TET3: variants seen among roughly 807,000 people sequenced by gnomAD.
TET3 encodes methylcytosine dioxygenase TET3.
TET3 carries 19 observed loss-of-function variants against 141.4 expected under a neutral mutation model. The observed-to-expected ratio is 0.13, with a 90% CI of 0.09 to 0.20. TET3 has a LOEUF of 0.20. Among genes scored for constraint, TET3 ranks in the 10% least tolerant of loss-of-function variants. The pLI, the probability that TET3 is intolerant of heterozygous loss-of-function variation, is 1.00. For synonymous variants in TET3, 1,043 were observed against 980.9 expected, an observed-to-expected ratio of 1.06 and a Z score of -1.18; for missense variants, 1,874 against 2,356.9, an observed-to-expected ratio of 0.80 and a Z score of 4.24.
At chr2:74,085,067 A>AG (rs1690044753) in intron 6 of TET3, among the ~76,000 whole-genome samples, 1 of 152,200 alleles carries the variant, frequency 6.6e-6, no homozygotes, top group East Asian at 1.9e-4. Flanking sequence ...ATGGTTGCAC[A>AG]GCAATATGAA....
chr2:74,114,709 C>T, the TET3 span, among the ~76,000 whole-genome samples: 26 of 151,678 alleles, frequency 1.7e-4, no homozygotes, highest in African/African-American at 5.8e-4. Context: ...AAAAAATTGG[C>T]TGGGTGTGGT....
chr2:74,113,705 C>T, the TET3 span, among the ~76,000 whole-genome samples: 1 of 151,774 alleles, frequency 6.6e-6, no homozygotes, highest in African/African-American at 2.4e-5. Context: ...ACAGTAGCTA[C>T]CAAAAAATAA....
At chr2:74,112,640 T>A (rs1300809979), downstream of TET3, among the ~76,000 whole-genome samples, 1 of 152,170 alleles carries the variant, frequency 6.6e-6, no homozygotes, top group Non-Finnish European at 1.5e-5. Flanking sequence ...CAAAGACTAG[T>A]AATGAGTGCT....
intron 6 of TET3, among the ~76,000 whole-genome samples, chr2:74,081,979 C>T (rs1204630596): frequency 6.6e-6 from 1 of 152,198 alleles, no homozygotes; most frequent in African/African-American, 2.4e-5. Context: ...TGTGGCTTAT[C>T]ATGGTGGGGT....
chr2:74,009,759 G>T (rs903788309), intron 3 of TET3, among the ~76,000 whole-genome samples: 1 of 152,214 alleles, frequency 6.6e-6, no homozygotes, highest in South Asian at 2.1e-4. Context: ...TGAAGCATGG[G>T]CCCAGGGCTC....
intron 11 of TET3, 26 bp downstream of exon 11, chr2:74,099,638 G>A: frequency 1.3e-6 from 2 of 1,522,768 alleles, no homozygotes; most frequent in Non-Finnish European, 1.8e-6. Flanking sequence ...GTGCCCGCTT[G>A]GAGTCACAAT....
At chr2:73,995,524 C>T (rs1009881188) in intron 2 of TET3, among the ~76,000 whole-genome samples, 1 of 152,180 alleles carries the variant, frequency 6.6e-6, no homozygotes, top group Admixed American at 6.5e-5. Flanking sequence ...CGTGCCCTAC[C>T]TGAGCCCTCT....
At chr2:73,988,353 G>A (rs1286956326) in intron 2 of TET3, among the ~76,000 whole-genome samples, 2 of 152,072 alleles carry the variant, frequency 1.3e-5, no homozygotes, top group Admixed American at 6.5e-5. Flanking sequence ...TATCTTACTC[G>A]GTTCCTCCCA....
intron 4 of TET3, 105 bp from the exon 5 acceptor site, chr2:74,073,444 C>G: frequency 1.3e-6 from 1 of 745,758 alleles, no homozygotes; most frequent in Non-Finnish European, 2.1e-6. Flanking sequence ...TGTGGGTTTC[C>G]TGTTTTCTAG....
chr2:74,058,130 A>C (rs932769159), intron 4 of TET3, among the ~76,000 whole-genome samples: 11 of 152,258 alleles, frequency 7.2e-5, no homozygotes, highest in African/African-American at 2.7e-4. Context: ...AGCACATAAA[A>C]AGTGCATTGA....
At chr2:74,042,449 A>C (rs991570141) in intron 3 of TET3, among the ~76,000 whole-genome samples, 2 of 152,216 alleles carry the variant, frequency 1.3e-5, no homozygotes, top group Non-Finnish European at 2.9e-5. Flanking sequence ...AGAAGTGTGG[A>C]TCTTCAAGAA....
chr2:74,126,736 C>T, the TET3 span, among the ~76,000 whole-genome samples: 4 of 152,122 alleles, frequency 2.6e-5, no homozygotes, highest in African/African-American at 4.8e-5. Flanking sequence ...ATCTCCTGAC[C>T]TCATGATCCA....
intron 4 of TET3, among the ~76,000 whole-genome samples, chr2:74,065,148 C>T (rs1688812271): frequency 6.6e-6 from 1 of 152,164 alleles, no homozygotes; most frequent in Non-Finnish European, 1.5e-5. Context: ...ATAGTATTGC[C>T]ATGGTTTAAG....
chr2:73,992,250 C>T (rs897161820), intron 2 of TET3, among the ~76,000 whole-genome samples: 13 of 151,724 alleles, frequency 8.6e-5, no homozygotes, highest in African/African-American at 3.2e-4. Flanking sequence ...GAGTCATTCA[C>T]TTCCTACTGA....
intron 4 of TET3, among the ~76,000 whole-genome samples, chr2:74,071,129 C>G (rs1015566546): frequency 2.0e-5 from 3 of 152,174 alleles, no homozygotes; most frequent in African/African-American, 7.2e-5. Flanking sequence ...CTCGCTATAT[C>G]TTCACATAGG....
intron 6 of TET3, among the ~76,000 whole-genome samples, chr2:74,083,222 C>T (rs1187017311): frequency 3.9e-5 from 6 of 152,158 alleles, no homozygotes; most frequent in Admixed American, 3.9e-4. Context: ...ACGGAAGATT[C>T]CAGGCGTGCC....
At chr2:74,004,402 G>A (rs1685043379) in intron 3 of TET3, among the ~76,000 whole-genome samples, 1 of 152,186 alleles carries the variant, frequency 6.6e-6, no homozygotes, top group Admixed American at 6.5e-5. Flanking sequence ...GACTGGATAT[G>A]GATGCTGGTA....
At chr2:74,081,537 ACTGGCCCGTTACTAGT>A (rs1689822729) in intron 6 of TET3, among the ~76,000 whole-genome samples, 1 of 152,196 alleles carries the variant, frequency 6.6e-6, no homozygotes, top group Non-Finnish European at 1.5e-5. Flanking sequence ...GGCCATGAAT[ACTGGCCCGTTACTAGT>A]CAGGCTGAGG....
chr2:74,032,024 T>C (rs879454760), intron 3 of TET3, among the ~76,000 whole-genome samples: 7 of 152,168 alleles, frequency 4.6e-5, no homozygotes, highest in Non-Finnish European at 7.4e-5. Flanking sequence ...CTAAAATGGA[T>C]GTGGAATTGT....
Sources: allele counts gnomAD v4.1 joint callset (sites outside exome capture counted in the v4.1 genomes callset), GRCh38; gene constraint gnomAD v4.1.1; transcripts MANE v1.5; gene names NCBI Gene and HGNC (gene_info 2026-07-23, HGNC 2026-07-21).